RAB3C: variants seen among roughly 807,000 people sequenced by gnomAD.
RAB3C encodes ras-related protein Rab-3C.
In RAB3C, 17 loss-of-function variants were observed where a neutral mutation model predicts 26.4. That is an observed-to-expected ratio of 0.64 (90% CI 0.44 to 0.97). The LOEUF (loss-of-function observed/expected upper bound fraction) is 0.97, where lower values mean the gene tolerates loss of function less well. RAB3C is among the 50% of genes least tolerant of loss of function. The probability of loss-of-function intolerance (pLI) is 0.00; values close to 1 mark genes in which losing one functional copy is unlikely to be tolerated. For missense variants in RAB3C, 242 were observed against 281.9 expected, an observed-to-expected ratio of 0.86 and a Z score of 1.01; for synonymous variants, 91 against 95.9, an observed-to-expected ratio of 0.95 and a Z score of 0.30.
intron 3 of RAB3C, among the ~76,000 whole-genome samples, chr5:58,749,230 C>T (rs1253002191): frequency 6.6e-6 from 1 of 152,178 alleles, no homozygotes; most frequent in African/African-American, 2.4e-5. Context: ...TTCTTATAGT[C>T]TGCCCTTCAC....
At chr5:58,702,648 C>A (rs905456487) in intron 2 of RAB3C, among the ~76,000 whole-genome samples, 2 of 152,228 alleles carry the variant, frequency 1.3e-5, no homozygotes, top group East Asian at 3.9e-4. Flanking sequence ...CCATCTCCTT[C>A]TTCTGCCTTC....
At position 58,585,201 on chromosome 5, in the gene RAB3C, ATTG is replaced by A. The variant is rs535348022; in HGVS notation, c.24+1975_24+1977del. Among the ~76,000 whole-genome samples the A allele has an allele frequency of 2.2e-4, 33 of 152,120 alleles. 1 individual carries two copies. The South Asian group carries it at 5.4e-3, about 25-fold the overall frequency. ...TACATTAATTCAATTTAACTAATAA[ATTG>A]TTGTTATGGTGACCCCATCTCCATT... is the stretch of plus-strand genomic sequence containing the variant. On this transcript the variant is annotated intron_variant, in intron 1 of 4. Coordinates refer to ENST00000282878, the MANE Select transcript of RAB3C (RefSeq NM_138453.4).
At chr5:58,832,034 A>G (rs1288497616) in intron 4 of RAB3C, among the ~76,000 whole-genome samples, 1 of 152,222 alleles carries the variant, frequency 6.6e-6, no homozygotes, top group Non-Finnish European at 1.5e-5. Flanking sequence ...CAGAAAAAAC[A>G]AGGGGCAGAT....
chr5:58,772,363 T>A (rs533739905), intron 3 of RAB3C, among the ~76,000 whole-genome samples: 8 of 152,254 alleles, frequency 5.3e-5, no homozygotes, highest in Non-Finnish European at 8.8e-5. Flanking sequence ...GGGTGAACAT[T>A]TGTGAGATTA....
At chr5:58,688,477 G>T (rs1748493166) in intron 2 of RAB3C, among the ~76,000 whole-genome samples, 1 of 152,032 alleles carries the variant, frequency 6.6e-6, no homozygotes, top group African/African-American at 2.4e-5. Flanking sequence ...TCTATTCAGG[G>T]CATAGTCTAT....
At chr5:58,649,921 ACT>A (rs1747608188) in intron 2 of RAB3C, among the ~76,000 whole-genome samples, 1 of 151,934 alleles carries the variant, frequency 6.6e-6, no homozygotes, top group Non-Finnish European at 1.5e-5. Context: ...AAAAAGCAGC[ACT>A]CTCTGTTGTT....
intron 4 of RAB3C, among the ~76,000 whole-genome samples, chr5:58,843,119 G>T (rs893103735): frequency 6.6e-6 from 1 of 152,100 alleles, no homozygotes; most frequent in Admixed American, 6.6e-5. Flanking sequence ...GCTGGTTACA[G>T]GATTAGAAAA....
intron 2 of RAB3C, among the ~76,000 whole-genome samples, chr5:58,618,399 T>G (rs576385343): frequency 3.9e-4 from 59 of 152,314 alleles, no homozygotes; most frequent in African/African-American, 1.3e-3. Context: ...CTGTGCAAAC[T>G]GTTTTCAACT....
chr5:58,810,768 T>G (rs571410186), intron 3 of RAB3C, among the ~76,000 whole-genome samples: 54 of 152,300 alleles, frequency 3.5e-4, no homozygotes, highest in African/African-American at 1.2e-3. Context: ...AGCTATTTTT[T>G]GTATGTTTAG....
rs1170754984 is a variant in RAB3C at position 58,725,990 on chromosome 5, T to G, written c.253-12T>G. 1 of 1,466,684 alleles carries G rather than the reference T, an allele frequency of 6.8e-7. No individual in the cohort carries two copies. The highest frequency in any genetic ancestry group is 2.3e-5 in the East Asian group (1 of 43,150). The allele number at this position is 1,466,684 out of a possible 1,614,324, so 90.9% of individuals were successfully genotyped here. A position where few individuals can be genotyped will look rare whatever the true frequency, so the allele number is the denominator to read the frequency against. On this transcript the variant is annotated splice_polypyrimidine_tract_variant and intron_variant, in intron 2 of 4. Transcript: ENST00000282878. ...ATTTCTGAGAGATTATCATTTTTTT[T>G]TTATTCTTTAGGACACAGCAGGCCA...
chr5:58,846,032 A>G (rs182628848), intron 4 of RAB3C, among the ~76,000 whole-genome samples: 2 of 152,272 alleles, frequency 1.3e-5, no homozygotes, highest in Admixed American at 1.3e-4. Context: ...TTGTAGCATG[A>G]ATCAGTATTT....
At chr5:58,629,118 A>G (rs1335661930) in intron 2 of RAB3C, among the ~76,000 whole-genome samples, 1 of 148,378 alleles carries the variant, frequency 6.7e-6, no homozygotes, top group East Asian at 2.0e-4. Context: ...ATTACTTGTT[A>G]TAATTAAATT....
chr5:58,735,932 C>G (rs1741123781), intron 3 of RAB3C, among the ~76,000 whole-genome samples: 1 of 152,258 alleles, frequency 6.6e-6, no homozygotes, highest in South Asian at 2.1e-4. Flanking sequence ...TTCCCAATCT[C>G]CAGCCAATCA....
intron 4 of RAB3C, among the ~76,000 whole-genome samples, chr5:58,828,870 A>G (rs925946979): frequency 1.6e-4 from 24 of 146,548 alleles, no homozygotes. Context: ...AGAGCTGAAC[A>G]TTACCCTATA....
At chr5:58,636,614 A>G (rs921920635) in intron 2 of RAB3C, among the ~76,000 whole-genome samples, 8 of 152,200 alleles carry the variant, frequency 5.3e-5, no homozygotes, top group Non-Finnish European at 2.9e-5. Flanking sequence ...ATTTTCAATT[A>G]TGTTAATATC....
At chr5:58,610,484 C>A (rs1162464798) in intron 1 of RAB3C, among the ~76,000 whole-genome samples, 1 of 151,980 alleles carries the variant, frequency 6.6e-6, no homozygotes, top group East Asian at 1.9e-4. Context: ...TCTTAATTTA[C>A]ATTTTCTAAT....
intron 2 of RAB3C, among the ~76,000 whole-genome samples, chr5:58,699,906 C>T (rs1266042190): frequency 6.6e-6 from 1 of 152,232 alleles, no homozygotes; most frequent in Non-Finnish European, 1.5e-5. Flanking sequence ...AATCCCCTGA[C>T]CCCGTGTGCT....
intron 3 of RAB3C, among the ~76,000 whole-genome samples, chr5:58,812,826 T>C (rs1227146344): frequency 1.3e-5 from 2 of 152,238 alleles, no homozygotes; most frequent in Non-Finnish European, 1.5e-5. Flanking sequence ...TCCAGTCATA[T>C]AGTGGCTCTG....
At chr5:58,610,560 A>G (rs971564013) in intron 1 of RAB3C, among the ~76,000 whole-genome samples, 1 of 151,998 alleles carries the variant, frequency 6.6e-6, no homozygotes, top group Non-Finnish European at 1.5e-5. Flanking sequence ...TTCACAGGTG[A>G]CAATGATTGA....
Sources: gnomAD v4.1 joint callset for allele counts (sites outside exome capture counted in the v4.1 genomes callset) on GRCh38, gnomAD v4.1.1 for gene constraint, MANE v1.5 for transcripts, NCBI Gene and HGNC (gene_info 2026-07-23, HGNC 2026-07-21) for gene names.